The following ZNF438 variants were observed in gnomAD, a reference collection of about 807,000 sequenced individuals.
ZNF438 encodes zinc finger protein 438.
In ZNF438, 25 loss-of-function variants were observed where a neutral mutation model predicts 38.0. The ratio of observed to expected loss-of-function variants is 0.66; its 90% CI spans 0.48 to 0.92. The LOEUF (loss-of-function observed/expected upper bound fraction) is 0.92. Among genes scored for constraint, ZNF438 ranks in the 40% least tolerant of loss-of-function variants. The pLI, the probability that ZNF438 is intolerant of heterozygous loss-of-function variation, is 0.00. For synonymous variants in ZNF438, 372 were observed against 364.1 expected (o/e 1.02, Z -0.25); for missense variants, 1,007 against 999.6 (o/e 1.01, Z -0.10).
intron 4 of ZNF438, among the ~76,000 whole-genome samples, chr10:30,861,352 G>A (rs1481348489): frequency 2.0e-5 from 3 of 152,096 alleles, no homozygotes; most frequent in South Asian, 2.1e-4. Flanking sequence ...GATGCAGTTC[G>A]AAATTTTTTT....
chr10:30,925,152 T>C (rs533412653), intron 2 of ZNF438, among the ~76,000 whole-genome samples: 2 of 152,294 alleles, frequency 1.3e-5, no homozygotes, highest in Admixed American at 1.3e-4. Context: ...TTTTTCTCCT[T>C]TTCCATTCCT....
intron 1 of ZNF438, among the ~76,000 whole-genome samples, chr10:31,015,148 G>T (rs982059845): frequency 6.6e-6 from 1 of 152,134 alleles, no homozygotes; most frequent in Non-Finnish European, 1.5e-5. Flanking sequence ...GATTACAGGC[G>T]TGAGCTACCA....
chr10:30,925,892 T>A (rs929421305), intron 2 of ZNF438, among the ~76,000 whole-genome samples: 5 of 152,306 alleles, frequency 3.3e-5, no homozygotes, highest in African/African-American at 1.2e-4. Flanking sequence ...GGTACATTTA[T>A]CATAATAGCT....
At chr10:30,876,362 T>C (rs558435263) in intron 4 of ZNF438, among the ~76,000 whole-genome samples, 2 of 152,234 alleles carry the variant, frequency 1.3e-5, no homozygotes, top group South Asian at 4.2e-4. Context: ...TCCCCGGGGT[T>C]AGAGTGTACC....
intron 1 of ZNF438, among the ~76,000 whole-genome samples, chr10:31,029,266 TGAA>T (rs2057130705): frequency 6.6e-6 from 1 of 152,218 alleles, no homozygotes; most frequent in Non-Finnish European, 1.5e-5. Context: ...GATGATTAAA[TGAA>T]TTAATATAGG....
chr10:30,858,445 A>C (rs893240813), intron 4 of ZNF438, among the ~76,000 whole-genome samples: 1 of 152,192 alleles, frequency 6.6e-6, no homozygotes, highest in East Asian at 1.9e-4. Flanking sequence ...AAAAACCTAT[A>C]AACACCTTTA....
chr10:30,967,008 G>A (rs539244885), intron 1 of ZNF438, among the ~76,000 whole-genome samples: 4 of 151,950 alleles, frequency 2.6e-5, no homozygotes, highest in Non-Finnish European at 5.9e-5. Flanking sequence ...GTTGATGACT[G>A]AGGACAAAGA....
chr10:30,955,190 G>A (rs1168074404), intron 1 of ZNF438, among the ~76,000 whole-genome samples: 5 of 152,150 alleles, frequency 3.3e-5, no homozygotes, highest in African/African-American at 1.2e-4. Flanking sequence ...TTAAGACTCA[G>A]GGTAAAGAAG....
At chr10:30,845,994 A>G (rs1365401366) in intron 5 of ZNF438, among the ~76,000 whole-genome samples, 1 of 152,192 alleles carries the variant, frequency 6.6e-6, no homozygotes, top group Non-Finnish European at 1.5e-5. Flanking sequence ...AATACCTTCT[A>G]TTCAATTTTG....
chr10:30,898,760 A>G (rs1190010130), intron 3 of ZNF438, among the ~76,000 whole-genome samples: 1 of 152,080 alleles, frequency 6.6e-6, no homozygotes, highest in Non-Finnish European at 1.5e-5. Flanking sequence ...CATTACACTC[A>G]ATATATAATT....
At chr10:30,930,164 T>TGGGGGGGGGGGGGGGGGG (rs1164296582) in intron 2 of ZNF438, among the ~76,000 whole-genome samples, 1 of 33,710 alleles carries the variant, frequency 3.0e-5, no homozygotes, top group Non-Finnish European at 6.8e-5. Flanking sequence ...GGGGCGGGGG[T>TGGGGGGGGGGGGGGGGGG]GGGGGGGGAG....
At chr10:30,885,889 T>C (rs1376195511) in intron 3 of ZNF438, among the ~76,000 whole-genome samples, 14 of 152,128 alleles carry the variant, frequency 9.2e-5, no homozygotes. Flanking sequence ...CAAGGGGAGA[T>C]GCTAGCCATC....
intron 4 of ZNF438, chr10:30,875,206 G>A: frequency 1.0e-6 from 1 of 960,864 alleles, no homozygotes; most frequent in African/African-American, 1.8e-5. Context: ...ATAGCCCAGA[G>A]AGGTAGGCAT....
At chr10:30,921,008 C>A (rs1022453524) in intron 2 of ZNF438, 1 of 152,154 alleles carries the variant, frequency 6.6e-6, no homozygotes, top group African/African-American at 2.4e-5. Flanking sequence ...CATATAAGAT[C>A]TTTTACAGAT....
intron 1 of ZNF438, among the ~76,000 whole-genome samples, chr10:31,011,010 T>G (rs2055647167): frequency 6.7e-6 from 1 of 148,924 alleles, no homozygotes; most frequent in Non-Finnish European, 1.5e-5. Flanking sequence ...GATTAAATAA[T>G]AGCCAGTGAG....
At chr10:30,911,597 C>T (rs2043083775) in intron 2 of ZNF438, among the ~76,000 whole-genome samples, 4 of 152,114 alleles carry the variant, frequency 2.6e-5, no homozygotes, top group Admixed American at 2.6e-4. Flanking sequence ...TTCTCATCTC[C>T]TCAAACTCTG....
intron 2 of ZNF438, among the ~76,000 whole-genome samples, chr10:30,934,304 A>G (rs570932565): frequency 5.9e-5 from 9 of 152,310 alleles, no homozygotes; most frequent in African/African-American, 1.9e-4. Context: ...GTGTATCTGA[A>G]GCATAATACT....
chr10:30,845,535 T>C (rs1263974836), exon 6 of ZNF438: 1 of 1,613,430 alleles, frequency 6.2e-7, no homozygotes. Context: ...GTCTGCCTGG[T>C]TTAGAAGGAA....
chr10:30,949,307 TA>T (rs1186015684), intron 1 of ZNF438, among the ~76,000 whole-genome samples: 1 of 152,110 alleles, frequency 6.6e-6, no homozygotes, highest in African/African-American at 2.4e-5. Flanking sequence ...TGCCAAAATG[TA>T]AAGACCATCA....
Sources: allele counts gnomAD v4.1 joint callset (sites outside exome capture counted in the v4.1 genomes callset), GRCh38; gene constraint gnomAD v4.1.1; transcripts MANE v1.5; gene names NCBI Gene and HGNC (gene_info 2026-07-23, HGNC 2026-07-21).